The following ABCD3 variants were observed in gnomAD, a reference collection of about 807,000 sequenced individuals.
ABCD3 encodes ATP binding cassette subfamily D member 3.
A neutral mutation model predicts 105.5 loss-of-function variants in ABCD3; 41 were observed. That is an observed-to-expected ratio of 0.39 (90% CI 0.30 to 0.50). ABCD3 has a LOEUF of 0.50. Among genes scored for constraint, ABCD3 ranks in the 20% least tolerant of loss-of-function variants. The pLI is 0.84. For missense variants in ABCD3, 622 were observed against 806.3 expected, an observed-to-expected ratio of 0.77 and a Z score of 2.77; for synonymous variants, 258 against 269.0, an observed-to-expected ratio of 0.96 and a Z score of 0.40.
At chr1:94,501,766 A>C (rs1426288935) in intron 20 of ABCD3, among the ~76,000 whole-genome samples, 5 of 152,216 alleles carry the variant, frequency 3.3e-5, no homozygotes, top group African/African-American at 1.2e-4. Context: ...AAAAGTATAT[A>C]TGATGGAAAA....
intron 16 of ABCD3, among the ~76,000 whole-genome samples, chr1:94,498,232 A>AT (rs1649920202): frequency 6.6e-6 from 1 of 151,876 alleles, no homozygotes; most frequent in African/African-American, 2.4e-5. Flanking sequence ...CACCTGCTTA[A>AT]TTTTTTATTT....
chr1:94,386,990 A>G, the ABCD3 span, among the ~76,000 whole-genome samples: 3 of 152,258 alleles, frequency 2.0e-5, no homozygotes, highest in Non-Finnish European at 4.4e-5. Flanking sequence ...AGCTGCTATA[A>G]GAAGTTTAAC....
chr1:94,387,669 T>C, the ABCD3 span, among the ~76,000 whole-genome samples: 2 of 152,288 alleles, frequency 1.3e-5, no homozygotes, highest in Admixed American at 1.3e-4. Flanking sequence ...AACATAGTTG[T>C]GGGAGGAAAA....
intron 8 of ABCD3, chr1:94,478,733 A>G: frequency 1.1e-6 from 1 of 883,860 alleles, no homozygotes; most frequent in Non-Finnish European, 1.6e-6. Context: ...ATATACTTGT[A>G]CTTATTGTTT....
the ABCD3 span, among the ~76,000 whole-genome samples, chr1:94,386,743 G>T: frequency 6.6e-6 from 1 of 152,158 alleles, no homozygotes. Context: ...AAAACTCCCT[G>T]GTCAGAAGGC....
At chr1:94,509,701 C>G (rs1304896951) in intron 21 of ABCD3, among the ~76,000 whole-genome samples, 1 of 152,172 alleles carries the variant, frequency 6.6e-6, no homozygotes, top group Non-Finnish European at 1.5e-5. Context: ...TCAACTTCTT[C>G]CTGGTTTAGT....
chr1:94,458,767 T>C (rs1053641658), intron 2 of ABCD3, 124 bp downstream of exon 2: 7 of 913,462 alleles, frequency 7.7e-6, no homozygotes, highest in Non-Finnish European at 1.2e-5. Context: ...TCCAGTCTTC[T>C]ACACATTACA....
intron 21 of ABCD3, among the ~76,000 whole-genome samples, 195 bp downstream of exon 21, chr1:94,506,837 C>G (rs982658811): frequency 2.6e-5 from 4 of 151,198 alleles, no homozygotes; most frequent in Non-Finnish European, 4.4e-5. Context: ...ATATAATTCT[C>G]TTTATATATG....
the ABCD3 span, among the ~76,000 whole-genome samples, chr1:94,406,098 T>C: frequency 6.6e-6 from 1 of 152,140 alleles, no homozygotes; most frequent in Admixed American, 6.5e-5. Flanking sequence ...AGTTTATTCC[T>C]GTGTATGGTC....
the ABCD3 span, among the ~76,000 whole-genome samples, chr1:94,405,151 TATGTAAATTCCAAAAGGTAAC>T: frequency 6.6e-6 from 1 of 152,166 alleles, no homozygotes; most frequent in South Asian, 2.1e-4. Flanking sequence ...CTTCCTAGTA[TATGTAAATTCCAAAAGGTAAC>T]ACTCTAGGGT....
Position 94,480,377 on chromosome 1 carries a change from A to G in ABCD3, c.685-87A>G, listed in dbSNP as rs1043704225. 50 of 1,531,138 alleles carry G rather than the reference A, an allele frequency of 3.3e-5. No homozygotes were observed. In the African/African-American group the frequency reaches 6.4e-4, roughly 20 times the overall value. The allele number at this position is 1,531,138 out of a possible 1,614,324, so 94.8% of individuals were successfully genotyped here. A position where few individuals can be genotyped will look rare whatever the true frequency, so the allele number is the denominator to read the frequency against. On this transcript the variant is annotated intron_variant, in intron 8 of 22. Coordinates refer to ENST00000370214, the MANE Select transcript of ABCD3 (RefSeq NM_002858.4). ...CAATTTCTTTCAGTCATTGAGGTTAATTATAAAAATTGTACATGTTTGTAT... is the reference window on the plus strand; with the variant it reads ...CAATTTCTTTCAGTCATTGAGGTTAGTTATAAAAATTGTACATGTTTGTAT...
intron 7 of ABCD3, among the ~76,000 whole-genome samples, chr1:94,477,601 G>T (rs1648826947): frequency 6.6e-6 from 1 of 151,936 alleles, no homozygotes; most frequent in African/African-American, 2.4e-5. Flanking sequence ...GGTGCAAGCA[G>T]TGGCTGTTGA....
At position 94,494,995 on chromosome 1, in the gene ABCD3, C is replaced by T. The variant is rs145562301; in HGVS notation, c.1387-3607C>T. Among the ~76,000 whole-genome samples the T allele has an allele frequency of 9.2e-3, 1,395 of 152,152 alleles. 18 individuals carry two copies. Among genetic ancestry groups the T allele is most frequent in the African/African-American group, 0.032 (1,319 of 41,506 alleles). On this transcript the variant is annotated intron_variant, in intron 16 of 22. Coordinates refer to ENST00000370214, the MANE Select transcript of ABCD3 (RefSeq NM_002858.4). The stretch of plus-strand genomic sequence containing the variant: ...ACGCAGGCGGCTGAGGTGGGAGGAT[C>T]GCTTGTGCCAGTGAGGCAGAGGTTG...
At chr1:94,392,675 G>A in the ABCD3 span, among the ~76,000 whole-genome samples, 259 of 152,284 alleles carry the variant, frequency 1.7e-3, 1 homozygote, top group Non-Finnish European at 3.0e-3. Context: ...ATGGAAGAGG[G>A]TAGTTCTCTC....
At chr1:94,501,284 A>C (rs1275415942) in intron 20 of ABCD3, among the ~76,000 whole-genome samples, 1 of 150,650 alleles carries the variant, frequency 6.6e-6, no homozygotes, top group Non-Finnish European at 1.5e-5. Flanking sequence ...AAAAAAAAAA[A>C]CACATGATCC....
chr1:94,465,558 A>G (rs1475515767), intron 3 of ABCD3, among the ~76,000 whole-genome samples: 1 of 152,192 alleles, frequency 6.6e-6, no homozygotes, highest in Non-Finnish European at 1.5e-5. Flanking sequence ...GCTTTGTTAT[A>G]GTTAAATACT....
the ABCD3 span, among the ~76,000 whole-genome samples, chr1:94,395,838 T>TCA: frequency 8.0e-5 from 12 of 149,452 alleles, no homozygotes; most frequent in Non-Finnish European, 1.3e-4. Context: ...TGCACGCGTG[T>TCA]GAGAGAGAGA....
chr1:94,468,233 C>A (rs968928391), intron 4 of ABCD3, among the ~76,000 whole-genome samples: 2 of 152,122 alleles, frequency 1.3e-5, no homozygotes, highest in African/African-American at 4.8e-5. Context: ...AGAAACTGTA[C>A]CAAGCCTTGC....
At chr1:94,419,096 AC>A in intron 1 of ABCD3, 1 of 171,570 alleles carries the variant, frequency 5.8e-6, no homozygotes, top group Non-Finnish European at 1.2e-5. Flanking sequence ...TCGATTCCCG[AC>A]TAACTGCTAT....
Sources: gnomAD v4.1 joint callset for allele counts (sites outside exome capture counted in the v4.1 genomes callset) on GRCh38, gnomAD v4.1.1 for gene constraint, MANE v1.5 for transcripts, NCBI Gene and HGNC (gene_info 2026-07-23, HGNC 2026-07-21) for gene names.